The following LRBA variants were observed in gnomAD, a reference collection of about 807,000 sequenced individuals.
LRBA encodes the protein LPS responsive beige-like anchor protein.
In LRBA, 176 loss-of-function variants were observed where a neutral mutation model predicts 330.0. The ratio of observed to expected loss-of-function variants is 0.53; its 90% CI spans 0.47 to 0.60. The LOEUF (loss-of-function observed/expected upper bound fraction) is 0.60, where lower values mean the gene tolerates loss of function less well. LRBA is among the 20% of genes least tolerant of loss of function. The pLI is 0.00. For synonymous variants in LRBA, 1,230 were observed against 1,193.0 expected (o/e 1.03, Z -0.64); for missense variants, 3,259 against 3,444.8 (o/e 0.95, Z 1.35).
chr4:150,915,422 T>G (rs921746036), intron 8 of LRBA, among the ~76,000 whole-genome samples, 186 bp downstream of exon 8: 3 of 152,152 alleles, frequency 2.0e-5, no homozygotes, highest in African/African-American at 7.2e-5. Flanking sequence ...TGGAATGATT[T>G]TATAACAAGG....
intron 36 of LRBA, among the ~76,000 whole-genome samples, chr4:150,729,731 C>G (rs1219573990): frequency 6.6e-6 from 1 of 152,158 alleles, no homozygotes; most frequent in Non-Finnish European, 1.5e-5. Context: ...ATCAGATTAT[C>G]TGACTTCAAA....
At chr4:150,516,217 C>CTTTTT (rs869205771) in intron 40 of LRBA, among the ~76,000 whole-genome samples, 7 of 29,410 alleles carry the variant, frequency 2.4e-4, no homozygotes, top group African/African-American at 4.1e-4. Flanking sequence ...TTTCTATTCT[C>CTTTTT]TTTTTTTTTT....
chr4:150,340,491 T>A (rs536363505), intron 48 of LRBA, among the ~76,000 whole-genome samples: 6 of 152,274 alleles, frequency 3.9e-5, no homozygotes, highest in African/African-American at 1.4e-4. Context: ...TTTAATGTCA[T>A]TGATTAATAG....
chr4:150,870,702 A>G, intron 19 of LRBA, 96 bp from the exon 20 acceptor site: 1 of 662,298 alleles, frequency 1.5e-6, no homozygotes, highest in Non-Finnish European at 2.7e-6. Flanking sequence ...AACTTTAAGT[A>G]CAACACTAAT....
chr4:150,398,926 C>T (rs1745113498), intron 47 of LRBA, among the ~76,000 whole-genome samples: 2 of 152,104 alleles, frequency 1.3e-5, no homozygotes, highest in Admixed American at 6.6e-5. Context: ...CCATGCCCAG[C>T]CCTTTTCAAT....
intron 47 of LRBA, among the ~76,000 whole-genome samples, chr4:150,355,906 T>C (rs1484739365): frequency 6.6e-6 from 1 of 152,070 alleles, no homozygotes; most frequent in African/African-American, 2.4e-5. Context: ...GTATTTTTCA[T>C]TTTAAATCCA....
chr4:150,377,065 C>G (rs559330383), intron 47 of LRBA, among the ~76,000 whole-genome samples: 3 of 149,598 alleles, frequency 2.0e-5, no homozygotes, highest in African/African-American at 7.4e-5. Flanking sequence ...AGGCCAAGGT[C>G]GGGGATAACC....
chr4:150,691,742 T>C (rs1042257462), intron 36 of LRBA, among the ~76,000 whole-genome samples: 4 of 152,164 alleles, frequency 2.6e-5, no homozygotes, highest in African/African-American at 7.2e-5. Flanking sequence ...CAAAAATAAC[T>C]TGTATGAAAA....
chr4:150,401,983 G>GT (rs1420359361), intron 47 of LRBA, among the ~76,000 whole-genome samples: 1 of 152,016 alleles, frequency 6.6e-6, no homozygotes, highest in Non-Finnish European at 1.5e-5. Context: ...TAACAATAGT[G>GT]AACCTGAGAA....
At chr4:150,640,475 A>T (rs1008816419) in intron 37 of LRBA, among the ~76,000 whole-genome samples, 5 of 152,224 alleles carry the variant, frequency 3.3e-5, no homozygotes, top group African/African-American at 1.2e-4. Flanking sequence ...GTTATGGTAT[A>T]GAGCACTGTT....
At chr4:150,456,849 T>C (rs1473297342) in intron 44 of LRBA, among the ~76,000 whole-genome samples, 1 of 152,084 alleles carries the variant, frequency 6.6e-6, no homozygotes, top group Non-Finnish European at 1.5e-5. Flanking sequence ...TTTTTGTATA[T>C]GGTTAGAGAT....
Position 150,908,443 on chromosome 4 carries a change from A to G in LRBA, c.1384T>C (p.Ser462Pro). 4 of 1,604,804 alleles carry G rather than the reference A, an allele frequency of 2.5e-6. No individual in the cohort carries two copies. In the South Asian group the frequency reaches 4.5e-5, roughly 18 times the overall value. Residue 462 changes from serine to proline, a missense_variant, in exon 11 of 57, where the codon TCC becomes CCC. Transcript: ENST00000651943. ...ATTGAATGCATTGCACTTTGGATGGAATGTGTTAAAACTGCCTTTACATCC... is the reference window on the plus strand; with the variant it reads ...ATTGAATGCATTGCACTTTGGATGGGATGTGTTAAAACTGCCTTTACATCC... ...LQDVKAVLTH[S>P]IQSAMHSIGG...
At chr4:150,775,398 A>G (rs1737137584) in intron 34 of LRBA, among the ~76,000 whole-genome samples, 1 of 151,628 alleles carries the variant, frequency 6.6e-6, no homozygotes, top group African/African-American at 2.4e-5. Context: ...CATATGAATT[A>G]GTGATCCACA....
Position 150,335,526 on chromosome 4 carries a change from ATGTGTG to A in LRBA, c.7363-9634_7363-9629del, listed in dbSNP as rs200270982. Reference sequence around the variant, plus strand: ...ATACACACACATATACGTATTATATATGTGTGTATATATATATATACACACACACAT... The same window carrying A: ...ATACACACACATATACGTATTATATATATATATATATATACACACACACAT... On this transcript the variant is annotated intron_variant, in intron 48 of 56. Transcript: ENST00000651943. Among the ~76,000 whole-genome samples the A allele has an allele frequency of 2.7e-5, 4 of 146,532 alleles. No individual in the cohort carries two copies. The East Asian group carries it at 7.9e-4, about 29-fold the overall frequency.
chr4:150,778,418 T>C (rs1457033316), intron 34 of LRBA, among the ~76,000 whole-genome samples: 1 of 152,178 alleles, frequency 6.6e-6, no homozygotes, highest in Non-Finnish European at 1.5e-5. Flanking sequence ...ATCAATTATG[T>C]AATTACTATA....
At chr4:150,734,098 T>G (rs1253830891) in intron 36 of LRBA, among the ~76,000 whole-genome samples, 2 of 152,160 alleles carry the variant, frequency 1.3e-5, no homozygotes, top group African/African-American at 2.4e-5. Flanking sequence ...AAAATGATAT[T>G]TAATAGTCTT....
chr4:150,568,336 T>C (rs916125549), intron 40 of LRBA, among the ~76,000 whole-genome samples: 1 of 152,104 alleles, frequency 6.6e-6, no homozygotes, highest in Non-Finnish European at 1.5e-5. Flanking sequence ...TATGGCATGA[T>C]GACAGTGTTT....
At chr4:150,814,646 G>A (rs1399431152) in intron 31 of LRBA, among the ~76,000 whole-genome samples, 2 of 151,262 alleles carry the variant, frequency 1.3e-5, no homozygotes, top group African/African-American at 4.9e-5. Context: ...TAAAAATGGG[G>A]GGGGCTAAGG....
intron 16 of LRBA, among the ~76,000 whole-genome samples, chr4:150,895,690 ACATTTGGGTTGGTTC>A (rs1729997444): frequency 3.9e-5 from 6 of 152,158 alleles, no homozygotes; most frequent in Admixed American, 2.6e-4. Context: ...TCACTGTTGG[ACATTTGGGTTGGTTC>A]CAAGTGTTTG....
Sources: gnomAD v4.1 joint callset for allele counts (sites outside exome capture counted in the v4.1 genomes callset) on GRCh38, gnomAD v4.1.1 for gene constraint, MANE v1.5 for transcripts, NCBI Gene and HGNC (gene_info 2026-07-23, HGNC 2026-07-21) for gene names.